MCC: variants seen among roughly 807,000 people sequenced by gnomAD.
MCC encodes the protein MCC regulator of Wnt signaling pathway.
Under a neutral mutation model 116.2 loss-of-function variants are expected in MCC, and 90 were observed. The observed-to-expected ratio is 0.77, with a 90% CI of 0.65 to 0.92. The LOEUF (loss-of-function observed/expected upper bound fraction) is 0.92, where lower values mean the gene tolerates loss of function less well. MCC is among the 40% of genes least tolerant of loss of function. MCC has a pLI of 0.00. For synonymous variants in MCC, 578 were observed against 510.5 expected (o/e 1.13, Z -1.78); for missense variants, 1,516 against 1,312.2 (o/e 1.16, Z -2.40).
At chr5:113,424,588 G>T (rs1770434539) in intron 1 of MCC, among the ~76,000 whole-genome samples, 1 of 152,036 alleles carries the variant, frequency 6.6e-6, no homozygotes, top group Admixed American at 6.5e-5. Context: ...GGTGGCAGGT[G>T]TCTGTAATGC....
intron 1 of MCC, among the ~76,000 whole-genome samples, chr5:113,419,727 T>C (rs866541787): frequency 6.6e-6 from 1 of 151,158 alleles, no homozygotes; most frequent in East Asian, 1.9e-4. Context: ...TGTAGGGACA[T>C]GGATGAAACT....
chr5:113,259,521 T>A (rs546573154), intron 3 of MCC, among the ~76,000 whole-genome samples: 2 of 152,028 alleles, frequency 1.3e-5, no homozygotes, highest in Admixed American at 6.5e-5. Flanking sequence ...GAAAAAAAAA[T>A]TAATTGGAAA....
chr5:113,195,242 C>T (rs184856863), intron 3 of MCC, among the ~76,000 whole-genome samples: 6 of 152,304 alleles, frequency 3.9e-5, no homozygotes, highest in South Asian at 2.1e-4. Context: ...AGTGTGTGCT[C>T]GGAAGGGGTG....
At chr5:113,250,318 C>T (rs947421939) in intron 3 of MCC, among the ~76,000 whole-genome samples, 5 of 152,208 alleles carry the variant, frequency 3.3e-5, no homozygotes, top group South Asian at 4.1e-4. Flanking sequence ...ACTGCTCAAA[C>T]GTCCAACGTG....
chr5:113,068,520 C>G (rs950976511), intron 12 of MCC, among the ~76,000 whole-genome samples: 3 of 152,252 alleles, frequency 2.0e-5, no homozygotes, highest in African/African-American at 7.2e-5. Flanking sequence ...AGCCGGCACC[C>G]TGGTGTCCAC....
intron 3 of MCC, among the ~76,000 whole-genome samples, chr5:113,274,426 C>G (rs1254054598): frequency 6.6e-6 from 1 of 152,218 alleles, no homozygotes; most frequent in East Asian, 1.9e-4. Context: ...GAGGCACAAT[C>G]TTGGCTCACT....
At chr5:113,249,839 G>A (rs1184683284) in intron 3 of MCC, among the ~76,000 whole-genome samples, 3 of 152,056 alleles carry the variant, frequency 2.0e-5, no homozygotes, top group Non-Finnish European at 2.9e-5. Flanking sequence ...CCTTACTCTG[G>A]TATCACCCTC....
At chr5:113,283,644 C>T (rs1167914030) in intron 3 of MCC, among the ~76,000 whole-genome samples, 1 of 152,166 alleles carries the variant, frequency 6.6e-6, no homozygotes, top group African/African-American at 2.4e-5. Context: ...AAAGAGTAAG[C>T]TCATCTCATT....
chr5:113,431,927 A>T (rs550102569), intron 1 of MCC, among the ~76,000 whole-genome samples: 14 of 152,262 alleles, frequency 9.2e-5, no homozygotes, highest in African/African-American at 3.1e-4. Flanking sequence ...CACGAGGTCA[A>T]GAGATCAAGA....
rs145681731 is a variant in MCC, at chr5:113,176,962, G to A, written c.628-25540C>T. 9.5e-4 allele frequency among the ~76,000 whole-genome samples: 144 copies of A among 152,272 alleles called. No homozygotes were observed. In the Middle Eastern group the frequency reaches 0.014, roughly 14 times the overall value. On this transcript the variant is annotated intron_variant, in intron 3 of 18. Transcript: ENST00000408903. Reference sequence around the variant, plus strand: ...CTCTAAACTGTTCTCCAAAGGAAGCGTAGACACTCTGAGGTGCATGTCTGA... The same window carrying A: ...CTCTAAACTGTTCTCCAAAGGAAGCATAGACACTCTGAGGTGCATGTCTGA...
chr5:113,307,543 G>A (rs1767019753), intron 3 of MCC, among the ~76,000 whole-genome samples: 1 of 152,112 alleles, frequency 6.6e-6, no homozygotes, highest in Admixed American at 6.5e-5. Flanking sequence ...ACCTTTTGGT[G>A]TATTTCTTGG....
intron 2 of MCC, among the ~76,000 whole-genome samples, chr5:113,372,514 T>C: frequency 6.6e-6 from 1 of 152,210 alleles, no homozygotes; most frequent in Non-Finnish European, 1.5e-5. Context: ...AAAATATATA[T>C]ATTGTATTTT....
At chr5:113,263,810 A>G (rs1298264996) in intron 3 of MCC, among the ~76,000 whole-genome samples, 1 of 152,192 alleles carries the variant, frequency 6.6e-6, no homozygotes, top group Non-Finnish European at 1.5e-5. Context: ...GGACTCTTGC[A>G]TTCCACACAG....
chr5:113,201,988 C>T (rs1762702061), intron 3 of MCC, among the ~76,000 whole-genome samples: 1 of 152,152 alleles, frequency 6.6e-6, no homozygotes, highest in African/African-American at 2.4e-5. Context: ...TTCATCGCTC[C>T]TCTTTCCCTC....
chr5:113,327,561 A>AAAAATATATATATATATATATATATATAT (rs1480996383), intron 3 of MCC, among the ~76,000 whole-genome samples: 1 of 80,582 alleles, frequency 1.2e-5, no homozygotes, highest in African/African-American at 5.0e-5. Flanking sequence ...AAAAAAAAAA[A>AAAAATATATATATATATATATATATATAT]ATATATATAT....
At chr5:113,389,264 C>T (rs1250930058) in intron 1 of MCC, among the ~76,000 whole-genome samples, 1 of 152,172 alleles carries the variant, frequency 6.6e-6, no homozygotes, top group African/African-American at 2.4e-5. Flanking sequence ...GACGTACAGT[C>T]CCCTGTGACT....
chr5:113,231,619 T>C (rs985071748), intron 3 of MCC, among the ~76,000 whole-genome samples: 12 of 152,142 alleles, frequency 7.9e-5, no homozygotes, highest in Non-Finnish European at 2.9e-5. Flanking sequence ...CCCCATATCA[T>C]CTCTAAAATG....
intron 16 of MCC, among the ~76,000 whole-genome samples, chr5:113,044,718 G>C (rs1224363270): frequency 2.6e-5 from 4 of 152,176 alleles, no homozygotes; most frequent in Non-Finnish European, 4.4e-5. Flanking sequence ...GGGATTACAG[G>C]CATGTGCCAC....
At chr5:113,283,973 T>C (rs1766151331) in intron 3 of MCC, among the ~76,000 whole-genome samples, 2 of 152,208 alleles carry the variant, frequency 1.3e-5, no homozygotes, top group African/African-American at 4.8e-5. Context: ...GAATAATCAA[T>C]ATATTTTCTC....
Sources: allele counts gnomAD v4.1 joint callset (sites outside exome capture counted in the v4.1 genomes callset), GRCh38; gene constraint gnomAD v4.1.1; transcripts MANE v1.5; gene names NCBI Gene and HGNC (gene_info 2026-07-23, HGNC 2026-07-21).